CAGE1: variants seen among roughly 807,000 people sequenced by gnomAD.
CAGE1 encodes the protein cancer antigen 1.
In CAGE1, 66 loss-of-function variants were observed where a neutral mutation model predicts 94.9. The ratio of observed to expected loss-of-function variants is 0.70; its 90% CI spans 0.57 to 0.85. CAGE1 has a LOEUF of 0.85. Among genes scored for constraint, CAGE1 ranks in the 40% least tolerant of loss-of-function variants. The probability of loss-of-function intolerance (pLI) is 0.00; values close to 1 mark genes in which losing one functional copy is unlikely to be tolerated. For synonymous variants in CAGE1, 319 were observed against 321.0 expected (o/e 0.99, Z 0.07); for missense variants, 865 against 950.4 (o/e 0.91, Z 1.18).
rs534770582 is a variant in CAGE1, at chr6:7,327,273, G to A, written c.2479-374C>T. 5.9e-5 allele frequency among the ~76,000 whole-genome samples: 9 copies of A among 152,046 alleles called. No individual in the cohort carries two copies. The East Asian group carries it at 1.2e-3, about 20-fold the overall frequency. On this transcript the variant is annotated intron_variant, in intron 13 of 13. Transcript: ENST00000502583. ...TCACCATGATGGCCAGGCTAGTCTC[G>A]AACCCCTGACCTCAAGTGATCTGTC...
chr6:7,377,416 T>G (rs1189752485), intron 4 of CAGE1, among the ~76,000 whole-genome samples: 3 of 152,204 alleles, frequency 2.0e-5, no homozygotes, highest in South Asian at 2.1e-4. Flanking sequence ...TAAGACATTA[T>G]AGTCATAGTG....
chr6:7,356,143 T>G lies in CAGE1; in HGVS notation c.2194-14A>C. ...CAGTTTTGTGATCTATGGAGAAATA[T>G]CAGTAAACATACTAATCTGGAACCT... On this transcript the variant is annotated splice_polypyrimidine_tract_variant and intron_variant, in intron 9 of 13. Transcript: ENST00000502583. 2 of 1,396,570 alleles carry G rather than the reference T, an allele frequency of 1.4e-6. No homozygotes were observed. Among genetic ancestry groups the G allele is most frequent in the Non-Finnish European group, 2.0e-6 (2 of 1,007,350 alleles). 86.5% of individuals were successfully genotyped at this position (1,396,570 alleles called of 1,614,324 possible).
Position 7,353,653 on chromosome 6 carries a change from CATCA to C in CAGE1, c.2369+1384_2369+1387del, listed in dbSNP as rs1759856460. Among the ~76,000 whole-genome samples, 3 of 151,440 alleles carry C rather than the reference CATCA, an allele frequency of 2.0e-5. No individual in the cohort carries two copies. The South Asian group carries it at 6.3e-4, about 32-fold the overall frequency. On this transcript the variant is annotated intron_variant, in intron 11 of 13. Transcript: ENST00000502583. ...AAATCATGGAAGCAACCCAAATGCC[CATCA>C]ATCAAAGAATGGATAAAGAAACTGT...
chr6:7,370,962 T>C (rs1226358598), intron 5 of CAGE1, among the ~76,000 whole-genome samples: 1 of 152,210 alleles, frequency 6.6e-6, no homozygotes, highest in Non-Finnish European at 1.5e-5. Context: ...AATTCAGTGT[T>C]AGAGAAATTG....
In CAGE1 at chr6:7,351,530, AAAAAT is replaced by A. The variant is rs60549717; in HGVS notation, c.2369+3506_2369+3510del. Among the ~76,000 whole-genome samples, 399 of 139,860 alleles carry A rather than the reference AAAAAT, an allele frequency of 2.9e-3. 5 individuals carry two copies. Among genetic ancestry groups the A allele is most frequent in the South Asian group, 0.011 (51 of 4,490 alleles). 91.8% of individuals were successfully genotyped at this position (139,860 alleles called of 152,430 possible). ...ACTACCCTAAAACTTAAAGTATAAT[AAAAAT>A]AAAATAAAATAAAATAAGATCACAG... On this transcript the variant is annotated intron_variant, in intron 11 of 13. Transcript: ENST00000502583.
chr6:7,334,174 T>G (rs1461126192), intron 11 of CAGE1, 84 bp from the exon 12 acceptor site: 4 of 706,688 alleles, frequency 5.7e-6, no homozygotes. Flanking sequence ...AGGATTTTAG[T>G]AGGTAAAAAT....
chr6:7,345,322 G>A (rs1369720094), intron 11 of CAGE1, among the ~76,000 whole-genome samples: 3 of 152,034 alleles, frequency 2.0e-5, no homozygotes, highest in South Asian at 2.1e-4. Context: ...GAACCAGCGA[G>A]ACCACTAAAC....
chr6:7,369,333 C>T (rs376501023), intron 6 of CAGE1, among the ~76,000 whole-genome samples: 24 of 151,914 alleles, frequency 1.6e-4, no homozygotes, highest in South Asian at 4.1e-4. Context: ...TTGTTTTTTT[C>T]ATTAAATGCA....
chr6:7,373,284 A>C lies in CAGE1; in HGVS notation c.1535T>G (p.Leu512Trp). 6.2e-7 allele frequency: 1 copy of C among 1,603,812 alleles called. No individual in the cohort carries two copies. The highest frequency in any genetic ancestry group is 8.5e-7 in the Non-Finnish European group (1 of 1,174,312). Residue 512 changes from leucine (L) to tryptophan (W), a missense_variant, in exon 5 of 14, where the codon TTG (leucine) becomes TGG (tryptophan). Leu to Trp is a moderately conservative substitution (Grantham distance 61). Transcript: ENST00000502583. ...TTGCAAATTTCTAACTTGAGTGAGCAATTTCTCAAGTCTAGATTTCAGTTT... is the reference window on the plus strand; with the variant it reads ...TTGCAAATTTCTAACTTGAGTGAGCCATTTCTCAAGTCTAGATTTCAGTTT... Reference protein sequence around the residue: ...RQKLKSRLEKLLTQVRNLQFM... With the variant: ...RQKLKSRLEKWLTQVRNLQFM...
rs970678083 is a variant in CAGE1 at position 7,389,164 on chromosome 6, T to G, written c.-24+38A>C. 6.8e-5 allele frequency: 29 copies of G among 429,516 alleles called. 1 individual carries two copies. Among genetic ancestry groups the G allele is most frequent in the Middle Eastern group, 3.4e-4 (1 of 2,942 alleles). 26.6% of individuals were successfully genotyped at this position (429,516 alleles called of 1,614,324 possible). A position where few individuals can be genotyped will look rare whatever the true frequency, so the allele number is the denominator to read the frequency against. On this transcript the variant is annotated intron_variant, in intron 1 of 13. Transcript: ENST00000502583. ...GGAGTTACTCGCAAAAACTATAGTT[T>G]TGTTTAAAAGCTTTTTCAGTTGTAA...
chr6:7,354,349 G>A (rs1759881269), intron 11 of CAGE1, among the ~76,000 whole-genome samples: 1 of 152,098 alleles, frequency 6.6e-6, no homozygotes, highest in African/African-American at 2.4e-5. Context: ...TGGAAAAACT[G>A]TTTGACATTT....
At position 7,370,054 on chromosome 6, in the gene CAGE1, C is replaced by T. The variant is rs759674840; in HGVS notation, c.1758G>A (p.Thr586=). 19 of 1,602,830 alleles carry T rather than the reference C, an allele frequency of 1.2e-5. No homozygotes were observed. The highest frequency in any genetic ancestry group is 1.7e-5 in the Admixed American group (1 of 57,282). The part of the protein sequence containing the change: ...LKSDITKDTK[T]THSNLLPDCS... ...AATCCGGGAGCAGATTAGAATGTGT[C>T]GTTTTTGTATCCTACATGCACGTAA... The change falls in exon 6 of 14, where the codon ACG becomes ACA. Residue 586 remains threonine, a synonymous_variant. Coordinates refer to ENST00000502583, the MANE Select transcript of CAGE1 (RefSeq NM_001170692.2).
chr6:7,336,393 G>C (rs1410885078), intron 11 of CAGE1, among the ~76,000 whole-genome samples: 1 of 152,230 alleles, frequency 6.6e-6, no homozygotes, highest in Non-Finnish European at 1.5e-5. Context: ...TTTGGAGGAA[G>C]TCATGTCCTC....
chr6:7,338,022 G>C (rs1221936156), intron 11 of CAGE1, among the ~76,000 whole-genome samples: 2 of 152,066 alleles, frequency 1.3e-5, no homozygotes, highest in African/African-American at 4.8e-5. Context: ...TTTAGTATAT[G>C]AGTCTTTTAC....
intron 11 of CAGE1, chr6:7,341,023 C>T: frequency 2.2e-6 from 1 of 460,362 alleles, no homozygotes; most frequent in South Asian, 1.8e-5. Context: ...TTCAAATGTA[C>T]AGGGATCCAG....
intron 11 of CAGE1, among the ~76,000 whole-genome samples, chr6:7,343,438 TATC>T (rs1311720216): frequency 1.3e-5 from 2 of 152,228 alleles, no homozygotes. Context: ...GTACTCAAAG[TATC>T]ATGAAACTTA....
chr6:7,351,584 A>AC (rs1561855503), intron 11 of CAGE1, among the ~76,000 whole-genome samples: 3 of 148,222 alleles, frequency 2.0e-5, no homozygotes, highest in African/African-American at 5.2e-5. Flanking sequence ...AAAAAAAAAA[A>AC]AAACTACAGA....
intron 1 of CAGE1, among the ~76,000 whole-genome samples, chr6:7,387,790 C>T (rs897773203): frequency 3.5e-4 from 52 of 148,544 alleles, no homozygotes; most frequent in Non-Finnish European, 6.2e-4. Context: ...GAGGCCGACG[C>T]GGGCGGATCA....
At chr6:7,363,095 C>T (rs896970451) in intron 9 of CAGE1, among the ~76,000 whole-genome samples, 2 of 152,090 alleles carry the variant, frequency 1.3e-5, no homozygotes, top group African/African-American at 4.8e-5. Context: ...ATGGAAAAAC[C>T]CTGTCTCTAC....
Sources: allele counts gnomAD v4.1 joint callset (sites outside exome capture counted in the v4.1 genomes callset), GRCh38; gene constraint gnomAD v4.1.1; transcripts MANE v1.5; gene names NCBI Gene and HGNC (gene_info 2026-07-23, HGNC 2026-07-21).